The following ABCC9 variants were observed in gnomAD, a reference collection of about 807,000 sequenced individuals.
ABCC9 encodes ATP binding cassette subfamily C member 9, also known as ATP-binding cassette sub-family C member 9.
ABCC9 carries 95 observed loss-of-function variants against 188.3 expected under a neutral mutation model. That is an observed-to-expected ratio of 0.50 (90% CI 0.43 to 0.60). ABCC9 has a LOEUF of 0.60. Among genes scored for constraint, ABCC9 ranks in the 20% least tolerant of loss-of-function variants. The pLI, the probability that ABCC9 is intolerant of heterozygous loss-of-function variation, is 0.00. For missense variants in ABCC9, 1,102 were observed against 1,876.3 expected (o/e 0.59, Z 7.62); for synonymous variants, 659 against 652.7 (o/e 1.01, Z -0.15).
rs932695225 is a variant in ABCC9 at position 21,921,532 on chromosome 12, C to G, written c.406+4410G>C. Among the ~76,000 whole-genome samples, 45 of 152,072 alleles carry G rather than the reference C, an allele frequency of 3.0e-4. 1 individual carries two copies. The highest frequency in any genetic ancestry group is 1.0e-3 in the African/African-American group (43 of 41,526). On this transcript the variant is annotated intron_variant, in intron 5 of 39. Transcript: ENST00000261200. ...TCCCATTCTGTAGATTGTGTCTTCA[C>G]TTTGTTGACTTTTTCCTCTGCTGTG...
At chr12:21,903,598 C>T (rs1221384259) in intron 12 of ABCC9, among the ~76,000 whole-genome samples, 2 of 152,152 alleles carry the variant, frequency 1.3e-5, no homozygotes, top group African/African-American at 4.8e-5. Context: ...GATACAAAAT[C>T]AATGTGCAAA....
intron 22 of ABCC9, among the ~76,000 whole-genome samples, chr12:21,852,770 G>T (rs1416428021): frequency 4.0e-5 from 6 of 151,234 alleles, no homozygotes; most frequent in East Asian, 1.9e-4. Context: ...AAAAATTAAA[G>T]AAAATAAAAT....
At position 21,817,922 on chromosome 12, in the gene ABCC9, C is replaced by T. The variant is rs829077; in HGVS notation, c.3771+228G>A. 1 allele frequency among the ~76,000 whole-genome samples: 151,489 copies of T among 152,180 alleles called. 75,404 individuals are homozygous for T. Among genetic ancestry groups the T allele is most frequent in the Middle Eastern group, 1 (294 of 294 alleles). On this transcript the variant is annotated intron_variant, in intron 32 of 39. Transcript: ENST00000261200. ...TTCTTCTAAAAAAAATGGATACATA[C>T]GCAGAACATGCAGGTTTGTTACATA...
At position 21,864,438 on chromosome 12, in the gene ABCC9, C is replaced by T; in HGVS notation, c.2237+1G>A. On this transcript the variant is annotated splice_donor_variant, in intron 19 of 39. Transcript: ENST00000261200. LOFTEE classifies it high-confidence loss of function. ...AACTCAGGTTAAAATAGAAATAATA[C>T]CTTCTGGTTGCTTCAAAAGAAGGCT... 6.3e-7 allele frequency: 1 copy of T among 1,580,606 alleles called. No homozygotes were observed. Among genetic ancestry groups the T allele is most frequent in the Non-Finnish European group, 8.7e-7 (1 of 1,149,782 alleles).
intron 4 of ABCC9, among the ~76,000 whole-genome samples, chr12:21,931,157 C>A (rs868181076): frequency 9.9e-5 from 15 of 152,068 alleles, no homozygotes; most frequent in Middle Eastern, 3.2e-3. Flanking sequence ...GGGGGAGGGA[C>A]CTCATGGGAG....
intron 38 of ABCC9, among the ~76,000 whole-genome samples, chr12:21,806,956 G>A (rs1483224087): frequency 2.6e-5 from 4 of 152,000 alleles, no homozygotes; most frequent in Non-Finnish European, 5.9e-5. Flanking sequence ...AATTGCTTTG[G>A]GAAATAATGA....
chr12:21,819,678 A>C (rs1942911818), intron 31 of ABCC9, among the ~76,000 whole-genome samples: 1 of 152,180 alleles, frequency 6.6e-6, no homozygotes. Flanking sequence ...ATCTCCACAT[A>C]CCAGAATGTC....
chr12:21,805,120 C>T (rs1941742423), intron 39 of ABCC9: 1 of 1,611,638 alleles, frequency 6.2e-7, no homozygotes, highest in African/African-American at 1.3e-5. Flanking sequence ...TGAGAGGATA[C>T]TGCTAAGATA....
At chr12:21,902,597 A>G (rs1246056430) in intron 12 of ABCC9, among the ~76,000 whole-genome samples, 1 of 152,236 alleles carries the variant, frequency 6.6e-6, no homozygotes. Flanking sequence ...CGCAAAAATA[A>G]TGATAAAGGG....
intron 18 of ABCC9, among the ~76,000 whole-genome samples, chr12:21,868,026 T>C (rs1411106723): frequency 1.3e-5 from 2 of 152,170 alleles, no homozygotes; most frequent in African/African-American, 4.8e-5. Context: ...CATTTGTTTT[T>C]CAACAAATAT....
At chr12:21,880,239 T>G (rs1356913229) in intron 16 of ABCC9, among the ~76,000 whole-genome samples, 2 of 152,032 alleles carry the variant, frequency 1.3e-5, no homozygotes, top group African/African-American at 2.4e-5. Context: ...AACACAAAAA[T>G]TGATCTTATG....
At chr12:21,904,674 AG>A (rs775777730) in intron 12 of ABCC9, among the ~76,000 whole-genome samples, 1 of 152,254 alleles carries the variant, frequency 6.6e-6, no homozygotes, top group Non-Finnish European at 1.5e-5. Context: ...ACACACATGA[AG>A]AAATGCTCAT....
At position 21,906,165 on chromosome 12, in the gene ABCC9, ATAGT is replaced by A. The variant is rs1171790777; in HGVS notation, c.1575_1578del (p.Glu525AspfsTer17). The A allele has an allele frequency of 6.2e-7, 1 of 1,613,250 alleles. No individual in the cohort carries two copies. Among genetic ancestry groups the A allele is most frequent in the Non-Finnish European group, 8.5e-7 (1 of 1,179,360 alleles). On this transcript the variant is annotated frameshift_variant, in exon 12 of 40. Coordinates refer to ENST00000261200, the MANE Select transcript of ABCC9 (RefSeq NM_020297.4). LOFTEE classifies it high-confidence loss of function. ...TATAGTGCAAAGGTTTTGAGACTAG[ATAGT>A]TCTTTCATTCTTGTTTCCTCCACAC...
chr12:21,845,236 A>G (rs1396011442), intron 26 of ABCC9, among the ~76,000 whole-genome samples: 1 of 152,090 alleles, frequency 6.6e-6, no homozygotes, highest in Non-Finnish European at 1.5e-5. Context: ...TAGTCTCAAA[A>G]TGACCAGCTA....
At chr12:21,940,891 T>C (rs1464490419) in intron 1 of ABCC9, 66 bp from the exon 2 acceptor site, 1 of 152,154 alleles carries the variant, frequency 6.6e-6, no homozygotes, top group Non-Finnish European at 1.5e-5. Context: ...CATACAAGAA[T>C]TGTCTACAAG....
At chr12:21,824,239 T>G (rs866236714) in intron 31 of ABCC9, among the ~76,000 whole-genome samples, 1 of 152,222 alleles carries the variant, frequency 6.6e-6, no homozygotes, top group Non-Finnish European at 1.5e-5. Flanking sequence ...TCTGCATCTA[T>G]TAAGATAATC....
At chr12:21,925,192 T>A (rs1334606527) in intron 5 of ABCC9, 2 of 250,268 alleles carry the variant, frequency 8.0e-6, no homozygotes, top group Non-Finnish European at 1.5e-5. Flanking sequence ...CTTTATCTCT[T>A]TAAGAAAGAA....
intron 30 of ABCC9, among the ~76,000 whole-genome samples, chr12:21,835,481 T>C (rs1944022726): frequency 6.6e-6 from 1 of 152,158 alleles, no homozygotes; most frequent in Non-Finnish European, 1.5e-5. Flanking sequence ...CCACAGTAGA[T>C]GATAATCATG....
chr12:21,818,227 G>A lies in ABCC9; in HGVS notation c.3694C>T (p.Leu1232Phe). The change falls in exon 32 of 40, where the codon CTC (leucine) becomes TTC (phenylalanine). Residue 1232 changes from leucine to phenylalanine, a missense_variant. Physicochemically the swap from Leu to Phe is conservative, Grantham distance 22. This residue lies in a region of ABCC9 where 143 missense variants were observed against 225.6 expected (regional missense o/e 0.63). Transcript: ENST00000261200. ...CTAATGGATGCTATAGATGCAGTGA[G>A]GACAATGCAAGCTCCCAGATAATCC... The part of the protein sequence containing the change: ...RTDYLGACIV[L>F]TASIASISGS... The A allele has an allele frequency of 1.2e-6, 2 of 1,613,726 alleles. No individual in the cohort carries two copies. The highest frequency in any genetic ancestry group is 1.7e-6 in the Non-Finnish European group (2 of 1,179,736).
Sources: allele counts gnomAD v4.1 joint callset (sites outside exome capture counted in the v4.1 genomes callset), GRCh38; gene constraint gnomAD v4.1.1; regional missense constraint gnomAD v4.1.1; transcripts MANE v1.5; gene names NCBI Gene and HGNC (gene_info 2026-07-23, HGNC 2026-07-21).